The following ARHGEF28 variants were observed in gnomAD, a reference collection of about 807,000 sequenced individuals.
The protein encoded by ARHGEF28 is 190 kDa guanine nucleotide exchange factor.
In ARHGEF28, 152 loss-of-function variants were observed where a neutral mutation model predicts 206.6. The observed-to-expected ratio is 0.74, with a 90% confidence interval of 0.64 to 0.84. The LOEUF (loss-of-function observed/expected upper bound fraction) is 0.84, where lower values mean the gene tolerates loss of function less well. Among genes scored for constraint, ARHGEF28 ranks in the 40% least tolerant of loss-of-function variants. The pLI is 0.00. For synonymous variants in ARHGEF28, 763 were observed against 776.4 expected (o/e 0.98, Z 0.29); for missense variants, 2,028 against 2,073.2 (o/e 0.98, Z 0.42).
At chr5:73,851,778 CA>C (rs1758721598) in intron 13 of ARHGEF28, among the ~76,000 whole-genome samples, 1 of 152,148 alleles carries the variant, frequency 6.6e-6, no homozygotes, top group Admixed American at 6.5e-5. Context: ...ATAAAGGCTT[CA>C]AATTCTTCAA....
At chr5:73,937,792 T>C (rs1251920212) in intron 35 of ARHGEF28, among the ~76,000 whole-genome samples, 1 of 152,202 alleles carries the variant, frequency 6.6e-6, no homozygotes, top group African/African-American at 2.4e-5. Flanking sequence ...TTCTATATGA[T>C]GATCATATTC....
chr5:73,723,263 G>A (rs993995825), intron 2 of ARHGEF28, among the ~76,000 whole-genome samples: 7 of 151,984 alleles, frequency 4.6e-5, no homozygotes, highest in East Asian at 1.9e-4. Context: ...ATCTTGGCTC[G>A]CTGCAACCTC....
Position 73,867,917 on chromosome 5 carries a change from C to T in ARHGEF28, c.2194C>T (p.His732Tyr), listed in dbSNP as rs1161074414. ...CATCCCACAGCCTGGTCTCTCCTTG[C>T]ACCCTTCTTCCTCCGTGCCTGTTGG... Reference protein sequence around the residue: ...RDIPQPGLSLHPSSSVPVGLP... With the variant: ...RDIPQPGLSLYPSSSVPVGLP... The change falls in exon 19 of 36, where the codon CAC (histidine) becomes TAC (tyrosine). Residue 732 changes from histidine to tyrosine, a missense_variant. Transcript: ENST00000513042. 3.1e-6 allele frequency: 5 copies of T among 1,613,904 alleles called. No individual in the cohort carries two copies. Among genetic ancestry groups the T allele is most frequent in the Non-Finnish European group, 4.2e-6 (5 of 1,179,890 alleles).
chr5:73,938,579 G>C (rs1311184830), intron 35 of ARHGEF28, among the ~76,000 whole-genome samples: 2 of 152,136 alleles, frequency 1.3e-5, no homozygotes, highest in Non-Finnish European at 2.9e-5. Flanking sequence ...TGTGGCTTTG[G>C]TGACCTGTTC....
intron 22 of ARHGEF28, among the ~76,000 whole-genome samples, chr5:73,881,095 C>G (rs1299507399): frequency 6.6e-6 from 1 of 151,010 alleles, no homozygotes; most frequent in Admixed American, 6.6e-5. Flanking sequence ...GTTGAAAAGG[C>G]TATTTTTCCT....
At chr5:73,754,007 A>G (rs557876811) in intron 4 of ARHGEF28, among the ~76,000 whole-genome samples, 4 of 152,262 alleles carry the variant, frequency 2.6e-5, no homozygotes, top group Admixed American at 2.0e-4. Flanking sequence ...GTTATATATA[A>G]TTTTATTGGA....
intron 1 of ARHGEF28, among the ~76,000 whole-genome samples, chr5:73,654,180 A>T (rs1194057209): frequency 2.0e-5 from 3 of 152,174 alleles, no homozygotes; most frequent in African/African-American, 7.2e-5. Context: ...TGGCTTCTGT[A>T]AGGACAATGG....
intron 35 of ARHGEF28, among the ~76,000 whole-genome samples, chr5:73,933,022 G>A (rs913171064): frequency 1.3e-5 from 2 of 151,782 alleles, no homozygotes; most frequent in African/African-American, 2.4e-5. Flanking sequence ...GTGTTAGCCC[G>A]GATGGTCTCG....
At chr5:73,731,566 C>G (rs1317207089) in intron 2 of ARHGEF28, among the ~76,000 whole-genome samples, 3 of 152,122 alleles carry the variant, frequency 2.0e-5, no homozygotes, top group Non-Finnish European at 4.4e-5. Flanking sequence ...GTGTGGCCAG[C>G]AAACTTCTCT....
chr5:73,833,919 C>G (rs1022941586), intron 10 of ARHGEF28, among the ~76,000 whole-genome samples: 1 of 152,066 alleles, frequency 6.6e-6, no homozygotes, highest in Non-Finnish European at 1.5e-5. Context: ...TCCACCTGGT[C>G]CTGCCCTTGA....
chr5:73,656,442 T>C, intron 1 of ARHGEF28, among the ~76,000 whole-genome samples: 1 of 152,226 alleles, frequency 6.6e-6, no homozygotes, highest in Non-Finnish European at 1.5e-5. Context: ...GACGTCAAAC[T>C]TGGGAGATTT....
intron 9 of ARHGEF28, among the ~76,000 whole-genome samples, chr5:73,820,746 A>G (rs1354971313): frequency 6.6e-6 from 1 of 152,140 alleles, no homozygotes; most frequent in African/African-American, 2.4e-5. Context: ...ACAGGTGCTC[A>G]ATTCAGGCCA....
At chr5:73,870,008 CGAAG>C in intron 20 of ARHGEF28, 57 bp from the exon 21 acceptor site, 1 of 1,555,858 alleles carries the variant, frequency 6.4e-7, no homozygotes, top group South Asian at 1.2e-5. Context: ...GACAAATATA[CGAAG>C]GTATATTTGT....
At chr5:73,727,452 A>G (rs995363432) in intron 2 of ARHGEF28, among the ~76,000 whole-genome samples, 1 of 152,210 alleles carries the variant, frequency 6.6e-6, no homozygotes, top group Non-Finnish European at 1.5e-5. Flanking sequence ...CTCTAATGAC[A>G]GGAATAGATG....
intron 11 of ARHGEF28, among the ~76,000 whole-genome samples, chr5:73,841,084 G>GT (rs1757959351): frequency 6.6e-6 from 1 of 152,174 alleles, no homozygotes; most frequent in African/African-American, 2.4e-5. Flanking sequence ...AGAAAATTGT[G>GT]TAACTTGGGA....
chr5:73,761,871 A>AT lies in ARHGEF28; in HGVS notation c.475+8677dup, dbSNP rs796882239. 1.4e-3 allele frequency among the ~76,000 whole-genome samples: 212 copies of AT among 151,526 alleles called. 1 individual carries two copies. The highest frequency in any genetic ancestry group is 4.2e-3 in the African/African-American group (172 of 41,284). ...TTTTTCCCTCACTCTCAATTTGTTGATTTTTTTTAAGATGGGGTGTCGCTG... is the reference window on the plus strand; with the variant it reads ...TTTTTCCCTCACTCTCAATTTGTTGATTTTTTTTTAAGATGGGGTGTCGCTG... On this transcript the variant is annotated intron_variant, in intron 4 of 35. Transcript: ENST00000513042.
chr5:73,641,401 A>AG (rs201648598), intron 1 of ARHGEF28, among the ~76,000 whole-genome samples: 3 of 138,646 alleles, frequency 2.2e-5, no homozygotes, highest in African/African-American at 6.0e-5. Context: ...GGCAGGGGAA[A>AG]GGCTTTTTTT....
chr5:73,801,534 G>A (rs1461356060), intron 9 of ARHGEF28, among the ~76,000 whole-genome samples: 3 of 152,166 alleles, frequency 2.0e-5, no homozygotes, highest in Admixed American at 2.0e-4. Context: ...GTGAGTGGAA[G>A]CTGACCCTCT....
At chr5:73,686,623 A>G (rs1385985629) in intron 2 of ARHGEF28, among the ~76,000 whole-genome samples, 3 of 147,136 alleles carry the variant, frequency 2.0e-5, no homozygotes, top group Non-Finnish European at 1.5e-5. Flanking sequence ...GGTTCACGCT[A>G]TTCTTCTGCC....
Sources: allele counts gnomAD v4.1 joint callset (sites outside exome capture counted in the v4.1 genomes callset), GRCh38; gene constraint gnomAD v4.1.1; transcripts MANE v1.5; gene names NCBI Gene and HGNC (gene_info 2026-07-23, HGNC 2026-07-21).